Variants in CCDC152 observed in about 807,000 individuals in gnomAD.
CCDC152 encodes coiled-coil domain-containing protein 152.
In CCDC152, 37 loss-of-function variants were observed where a neutral mutation model predicts 38.1. That is an observed-to-expected ratio of 0.97 (90% CI 0.75 to 1.28). The LOEUF is 1.28. Among genes scored for constraint, CCDC152 ranks in the 50% most tolerant of loss-of-function variants. The probability of loss-of-function intolerance (pLI) is 0.00; values close to 1 mark genes in which losing one functional copy is unlikely to be tolerated. For synonymous variants in CCDC152, 83 were observed against 87.1 expected (o/e 0.95, Z 0.26); for missense variants, 259 against 292.1 (o/e 0.89, Z 0.83).
intron 1 of CCDC152, among the ~76,000 whole-genome samples, 200 bp from the exon 2 acceptor site, chr5:42,758,920 G>A (rs1425630721): frequency 2.6e-5 from 4 of 152,154 alleles, no homozygotes; most frequent in Non-Finnish European, 5.9e-5. Flanking sequence ...ACTGGGGTGT[G>A]GGTGGTAAGG....
chr5:42,798,704 A>G (rs1425243970), intron 7 of CCDC152, among the ~76,000 whole-genome samples: 1 of 152,318 alleles, frequency 6.6e-6, no homozygotes, highest in East Asian at 1.9e-4. Context: ...GCATAATCTC[A>G]GAGTTTATTC....
chr5:42,792,022 C>G (rs1215277525), intron 6 of CCDC152, among the ~76,000 whole-genome samples: 1 of 152,186 alleles, frequency 6.6e-6, no homozygotes. Context: ...TGAGAGCAGC[C>G]TCTGCATCCT....
rs753749902 is a variant in CCDC152 at position 42,801,090 on chromosome 5, T to G, written c.*1309T>G. 86 of 1,614,086 alleles carry G rather than the reference T, an allele frequency of 5.3e-5. No individual in the cohort carries two copies. The highest frequency in any genetic ancestry group is 6.9e-5 in the Non-Finnish European group (82 of 1,180,036). ...TTCACTTGCTGGCATATCTCGGTTCTCTGGGTGACCCTGCCTATGCTGACC... is the reference window on the plus strand; with the variant it reads ...TTCACTTGCTGGCATATCTCGGTTCGCTGGGTGACCCTGCCTATGCTGACC... On this transcript the variant is annotated 3_prime_UTR_variant, in exon 9 of 9. Transcript: ENST00000361970.
intron 6 of CCDC152, 47 bp downstream of exon 6, chr5:42,783,623 T>TA: frequency 1.0e-6 from 1 of 966,694 alleles, no homozygotes; most frequent in Non-Finnish European, 1.4e-6. Context: ...TCAACAGATA[T>TA]AATGTGTGGG....
At chr5:42,774,071 T>C (rs935478686) in intron 4 of CCDC152, among the ~76,000 whole-genome samples, 3 of 152,186 alleles carry the variant, frequency 2.0e-5, no homozygotes, top group African/African-American at 7.2e-5. Flanking sequence ...TCAACAATTC[T>C]TAGACTTTTG....
intron 6 of CCDC152, among the ~76,000 whole-genome samples, chr5:42,790,199 G>A (rs754781742): frequency 2.0e-5 from 3 of 152,150 alleles, no homozygotes; most frequent in African/African-American, 4.8e-5. Flanking sequence ...GGCCAGGCAC[G>A]GTGGCTCACA....
rs10058756 is a variant in CCDC152 at position 42,784,210 on chromosome 5, C to G, written c.430+634C>G. 5.2e-3 allele frequency among the ~76,000 whole-genome samples: 786 copies of G among 152,268 alleles called. 7 individuals are homozygous for G. Among genetic ancestry groups the G allele is most frequent in the African/African-American group, 0.017 (707 of 41,556 alleles). On this transcript the variant is annotated intron_variant, in intron 6 of 8. Coordinates refer to ENST00000361970, the MANE Select transcript of CCDC152 (RefSeq NM_001134848.2). ...TGAAACTAATTTACATTCCCATTAA[C>G]AGTGCATTATTGTTCCCTTTACTCC...
chr5:42,774,110 T>C (rs918156711), intron 4 of CCDC152, among the ~76,000 whole-genome samples: 1 of 152,170 alleles, frequency 6.6e-6, no homozygotes, highest in Admixed American at 6.5e-5. Context: ...CAGGACAAAC[T>C]GATGCATCTA....
At chr5:42,786,008 TA>T (rs1759916515) in intron 6 of CCDC152, among the ~76,000 whole-genome samples, 1 of 152,064 alleles carries the variant, frequency 6.6e-6, no homozygotes, top group South Asian at 2.1e-4. Context: ...TTTGAGGTGT[TA>T]CTGGATTCTG....
At chr5:42,790,110 TAAG>T (rs1759977830) in intron 6 of CCDC152, among the ~76,000 whole-genome samples, 1 of 152,174 alleles carries the variant, frequency 6.6e-6, no homozygotes, top group African/African-American at 2.4e-5. Context: ...AAGAATTCAA[TAAG>T]AAGAAGTCAA....
At chr5:42,773,127 A>G (rs541606073) in intron 4 of CCDC152, among the ~76,000 whole-genome samples, 1 of 152,346 alleles carries the variant, frequency 6.6e-6, no homozygotes, top group Non-Finnish European at 1.5e-5. Context: ...TTTGGAGGAT[A>G]GCAAGAAAAG....
intron 6 of CCDC152, among the ~76,000 whole-genome samples, chr5:42,786,173 T>C (rs565884043): frequency 2.6e-5 from 4 of 152,240 alleles, no homozygotes; most frequent in South Asian, 2.1e-4. Context: ...TTTGGAATAG[T>C]TTCAGTAATA....
In CCDC152 at chr5:42,799,616, T is replaced by TA. The variant is rs1760133428; in HGVS notation, c.643-43_643-42insA. 12 of 1,414,338 alleles carry TA rather than the reference T, an allele frequency of 8.5e-6. No individual in the cohort carries two copies. The Admixed American group carries it at 2.9e-4, about 35-fold the overall frequency. The allele number at this position is 1,414,338 out of a possible 1,614,324, so 87.6% of individuals were successfully genotyped here. A position where few individuals can be genotyped will look rare whatever the true frequency, so the allele number is the denominator to read the frequency against. On this transcript the variant is annotated intron_variant, in intron 8 of 8. Transcript: ENST00000361970. Reference sequence around the variant, plus strand: ...TTATTTTGTTGTTCCTTGTACTAAATTTTATTTCTGAATTCTAATAACAAA... The same window carrying TA: ...TTATTTTGTTGTTCCTTGTACTAAATATTTATTTCTGAATTCTAATAACAAA...
At chr5:42,775,868 C>A (rs564843674) in intron 4 of CCDC152, among the ~76,000 whole-genome samples, 1 of 149,322 alleles carries the variant, frequency 6.7e-6, no homozygotes, top group African/African-American at 2.5e-5. Context: ...TGAAAGTGGA[C>A]CTGAATTCAT....
At position 42,799,801 on chromosome 5, in the gene CCDC152, A is replaced by G. The variant is rs1028732025; in HGVS notation, c.*20A>G. 1.9e-6 allele frequency: 3 copies of G among 1,547,318 alleles called. No homozygotes were observed. Among genetic ancestry groups the G allele is most frequent in the Non-Finnish European group, 2.6e-6 (3 of 1,145,912 alleles). ...TTTTGAGCTTAGCAGTAAATTCATTAGTTGGTATTTATTTAAAAGCAATCG... is the reference window on the plus strand; with the variant it reads ...TTTTGAGCTTAGCAGTAAATTCATTGGTTGGTATTTATTTAAAAGCAATCG... On this transcript the variant is annotated 3_prime_UTR_variant, in exon 9 of 9. Transcript: ENST00000361970.
intron 5 of CCDC152, among the ~76,000 whole-genome samples, chr5:42,782,788 G>A (rs1759863783): frequency 6.6e-6 from 1 of 151,448 alleles, no homozygotes; most frequent in African/African-American, 2.4e-5. Flanking sequence ...CTTGAGTTTA[G>A]GCATTCCACA....
chr5:42,757,491 G>C (rs1485763054), intron 1 of CCDC152, among the ~76,000 whole-genome samples: 1 of 152,204 alleles, frequency 6.6e-6, no homozygotes, highest in Non-Finnish European at 1.5e-5. Context: ...TCACTTGCCT[G>C]TGGGGACGGT....
At chr5:42,794,037 G>A (rs917672724) in intron 6 of CCDC152, among the ~76,000 whole-genome samples, 10 of 152,214 alleles carry the variant, frequency 6.6e-5, no homozygotes, top group Admixed American at 5.2e-4. Context: ...TAGATACACT[G>A]GAGATAGAAT....
chr5:42,769,118 G>A (rs1004692009), intron 3 of CCDC152, among the ~76,000 whole-genome samples: 10 of 151,966 alleles, frequency 6.6e-5, no homozygotes, highest in Admixed American at 1.3e-4. Context: ...ACATGGTGAC[G>A]CGTGCCTGTG....
Sources: allele counts gnomAD v4.1 joint callset (sites outside exome capture counted in the v4.1 genomes callset), GRCh38; gene constraint gnomAD v4.1.1; transcripts MANE v1.5; gene names NCBI Gene and HGNC (gene_info 2026-07-23, HGNC 2026-07-21).